Variants in GPR39 observed in about 807,000 individuals in gnomAD.
The protein encoded by GPR39 is G protein-coupled receptor 39.
A neutral mutation model predicts 18.4 loss-of-function variants in GPR39; 23 were observed. That is an observed-to-expected ratio of 1.25 (90% CI 0.90 to 1.77). The LOEUF is 1.77. Among genes scored for constraint, GPR39 ranks in the 40% most tolerant of loss-of-function variants. The pLI, the probability that GPR39 is intolerant of heterozygous loss-of-function variation, is 0.00. For synonymous variants in GPR39, 280 were observed against 257.9 expected, an observed-to-expected ratio of 1.09 and a Z score of -0.82; for missense variants, 647 against 602.4, an observed-to-expected ratio of 1.07 and a Z score of -0.78.
intron 1 of GPR39, among the ~76,000 whole-genome samples, chr2:132,522,826 T>G (rs1223939904): frequency 6.6e-6 from 1 of 152,244 alleles, no homozygotes; most frequent in Non-Finnish European, 1.5e-5. Context: ...TCCAACCCTG[T>G]TGACTCCAGC....
intron 1 of GPR39, among the ~76,000 whole-genome samples, chr2:132,504,636 A>G (rs1355592574): frequency 6.6e-6 from 1 of 152,120 alleles, no homozygotes; most frequent in African/African-American, 2.4e-5. Context: ...ATTCTCTCAC[A>G]CTTCTCGATT....
At chr2:132,511,578 C>T (rs1016355181) in intron 1 of GPR39, among the ~76,000 whole-genome samples, 5 of 152,108 alleles carry the variant, frequency 3.3e-5, no homozygotes, top group African/African-American at 1.2e-4. Flanking sequence ...TGAGGGAGAA[C>T]TCTGACTCTT....
intron 1 of GPR39, among the ~76,000 whole-genome samples, chr2:132,608,778 C>T (rs1336589165): frequency 6.6e-6 from 1 of 152,086 alleles, no homozygotes; most frequent in Non-Finnish European, 1.5e-5. Context: ...TAGCCATTAG[C>T]CCCCTCCGCT....
chr2:132,542,472 GC>G, intron 1 of GPR39, among the ~76,000 whole-genome samples: 1 of 152,218 alleles, frequency 6.6e-6, no homozygotes, highest in African/African-American at 2.4e-5. Flanking sequence ...AGTTTCTAAG[GC>G]CCCTTCTGCT....
intron 1 of GPR39, among the ~76,000 whole-genome samples, chr2:132,611,523 C>A (rs2104850424): frequency 6.6e-6 from 1 of 152,138 alleles, no homozygotes; most frequent in Non-Finnish European, 1.5e-5. Flanking sequence ...TTGCATATTT[C>A]AGCTTGGTTC....
At chr2:132,625,462 C>A (rs1467810507) in intron 1 of GPR39, among the ~76,000 whole-genome samples, 1 of 152,088 alleles carries the variant, frequency 6.6e-6, no homozygotes, top group Non-Finnish European at 1.5e-5. Context: ...TAATAAGTGC[C>A]ATAAACCAGC....
intron 1 of GPR39, among the ~76,000 whole-genome samples, chr2:132,602,885 AC>A (rs1291292814): frequency 6.6e-5 from 10 of 151,556 alleles, no homozygotes; most frequent in African/African-American, 2.4e-4. Context: ...AAAAAAAAAA[AC>A]AAATGCTAGT....
chr2:132,522,020 T>C (rs1442586090), intron 1 of GPR39, among the ~76,000 whole-genome samples: 1 of 152,216 alleles, frequency 6.6e-6, no homozygotes, highest in East Asian at 1.9e-4. Context: ...TTGTGCTAAA[T>C]CAATAGTTGC....
chr2:132,521,731 A>G (rs146938165), intron 1 of GPR39, among the ~76,000 whole-genome samples: 91 of 152,290 alleles, frequency 6.0e-4, no homozygotes, highest in African/African-American at 1.9e-3. Context: ...ATTAGCCAAG[A>G]TGACACTGGA....
chr2:132,525,219 G>A (rs1679487389), intron 1 of GPR39, among the ~76,000 whole-genome samples: 1 of 152,178 alleles, frequency 6.6e-6, no homozygotes, highest in Admixed American at 6.5e-5. Flanking sequence ...TCAAATCCCT[G>A]CCTTTGGAGC....
chr2:132,549,331 G>A (rs1025969285), intron 1 of GPR39, among the ~76,000 whole-genome samples: 9 of 152,198 alleles, frequency 5.9e-5, no homozygotes, highest in Non-Finnish European at 1.2e-4. Context: ...GAGGTCTACT[G>A]TGTCGATTAA....
chr2:132,581,026 C>G (rs1680613944), intron 1 of GPR39, among the ~76,000 whole-genome samples: 2 of 147,322 alleles, frequency 1.4e-5, no homozygotes, highest in South Asian at 2.2e-4. Context: ...ACTGACTTCT[C>G]TTTTGTGGTA....
At chr2:132,541,229 A>G (rs1679855965) in intron 1 of GPR39, among the ~76,000 whole-genome samples, 1 of 152,008 alleles carries the variant, frequency 6.6e-6, no homozygotes, top group African/African-American at 2.4e-5. Context: ...AATTATAGGT[A>G]TGTGTCACCA....
At chr2:132,504,320 G>A (rs1679098565) in intron 1 of GPR39, among the ~76,000 whole-genome samples, 1 of 152,122 alleles carries the variant, frequency 6.6e-6, no homozygotes, top group Non-Finnish European at 1.5e-5. Context: ...TATTTCACAT[G>A]TCTCCTAACT....
intron 1 of GPR39, among the ~76,000 whole-genome samples, chr2:132,473,838 G>T (rs1254769333): frequency 6.6e-6 from 1 of 152,194 alleles, no homozygotes; most frequent in African/African-American, 2.4e-5. Context: ...ATGCAGTATT[G>T]CATCCAATTT....
At chr2:132,607,420 G>A (rs920696186) in intron 1 of GPR39, among the ~76,000 whole-genome samples, 2 of 152,188 alleles carry the variant, frequency 1.3e-5, no homozygotes, top group African/African-American at 4.8e-5. Context: ...GAGGAGAGTA[G>A]GTGGGGTAGC....
chr2:132,481,614 T>C (rs1179993235), intron 1 of GPR39, among the ~76,000 whole-genome samples: 3 of 152,248 alleles, frequency 2.0e-5, no homozygotes, highest in Non-Finnish European at 4.4e-5. Flanking sequence ...AAGTTGAGCT[T>C]TGTTTAACAC....
chr2:132,418,556 T>G (rs1306704858), intron 1 of GPR39: 1 of 152,200 alleles, frequency 6.6e-6, no homozygotes, highest in Non-Finnish European at 1.5e-5. Context: ...GGCCTGTTTA[T>G]CTGATCCAGA....
intron 1 of GPR39, among the ~76,000 whole-genome samples, chr2:132,493,118 ACATT>A (rs565162175): frequency 7.0e-6 from 1 of 143,828 alleles, no homozygotes; most frequent in African/African-American, 2.5e-5. Context: ...CCATATATAC[ACATT>A]CCATATATAT....
Sources: allele counts gnomAD v4.1 joint callset (sites outside exome capture counted in the v4.1 genomes callset), GRCh38; gene constraint gnomAD v4.1.1; transcripts MANE v1.5; gene names NCBI Gene and HGNC (gene_info 2026-07-23, HGNC 2026-07-21).